The following MAP4 variants were observed in gnomAD, a reference collection of about 807,000 sequenced individuals.
The protein encoded by MAP4 is microtubule associated protein 4, also known as microtubule-associated protein 4.
In MAP4, 76 loss-of-function variants were observed where a neutral mutation model predicts 170.2. That is an observed-to-expected ratio of 0.45 (90% CI 0.37 to 0.54). The LOEUF (loss-of-function observed/expected upper bound fraction) is 0.54, where lower values mean the gene tolerates loss of function less well. MAP4 is among the 20% of genes least tolerant of loss of function. The pLI, the probability that MAP4 is intolerant of heterozygous loss-of-function variation, is 0.00. For missense variants in MAP4, 2,506 were observed against 2,748.0 expected (o/e 0.91, Z 1.97); for synonymous variants, 909 against 994.5 (o/e 0.91, Z 1.62).
chr3:47,974,922 G>A (rs1323597194), intron 3 of MAP4: 1 of 985,780 alleles, frequency 1.0e-6, no homozygotes, highest in Non-Finnish European at 1.2e-6. Context: ...TAGCCTGTAA[G>A]ATTAACCTTC....
At chr3:48,055,313 T>C (rs1435701559) in intron 1 of MAP4, among the ~76,000 whole-genome samples, 1 of 152,132 alleles carries the variant, frequency 6.6e-6, no homozygotes, top group African/African-American at 2.4e-5. Context: ...GCAACCTCCC[T>C]GCCTGATTCT....
intron 1 of MAP4, among the ~76,000 whole-genome samples, chr3:48,087,047 A>G (rs1257745129): frequency 6.6e-6 from 1 of 152,238 alleles, no homozygotes; most frequent in Non-Finnish European, 1.5e-5. Context: ...TAACAAACAT[A>G]GCTAGTGCCT....
intron 1 of MAP4, among the ~76,000 whole-genome samples, chr3:48,085,270 C>T (rs2100148530): frequency 6.7e-6 from 1 of 148,706 alleles, no homozygotes; most frequent in South Asian, 2.1e-4. Flanking sequence ...GGATTGATCA[C>T]CAAATTCAGA....
chr3:47,934,389 G>A (rs776962859), intron 3 of MAP4, among the ~76,000 whole-genome samples: 22 of 152,038 alleles, frequency 1.4e-4, no homozygotes, highest in African/African-American at 2.9e-4. Flanking sequence ...CCTAAACTCC[G>A]TCTCCCAGGC....
In MAP4 at chr3:48,074,676, T is replaced by TTTTGTGTGTGTGTGTGTGTGTGTGTGTG. The variant is rs746281743; in HGVS notation, c.-20+14096_-20+14097insCACACACACACACACACACACACACAAA. 2.0e-3 allele frequency among the ~76,000 whole-genome samples: 181 copies of TTTTGTGTGTGTGTGTGTGTGTGTGTGTG among 90,630 alleles called. 26 individuals are homozygous for TTTTGTGTGTGTGTGTGTGTGTGTGTGTG. The highest frequency in any genetic ancestry group is 3.6e-3 in the South Asian group (9 of 2,534). The allele number at this position is 90,630 out of a possible 152,430, so 59.5% of individuals were successfully genotyped here. A position where few individuals can be genotyped will look rare whatever the true frequency, so the allele number is the denominator to read the frequency against. Reference sequence around the variant, plus strand: ...GGGGCAAGCCACCACATCCAGCTAATTGTGTGTGTGTGTGTGTGTGTGTGT... The same window carrying TTTTGTGTGTGTGTGTGTGTGTGTGTGTG: ...GGGGCAAGCCACCACATCCAGCTAATTTTGTGTGTGTGTGTGTGTGTGTGTGTGTGTGTGTGTGTGTGTGTGTGTGTGT... On this transcript the variant is annotated intron_variant, in intron 1 of 18. Transcript: ENST00000360240.
intron 4 of MAP4, 99 bp downstream of exon 4, chr3:47,928,129 A>C: frequency 7.0e-7 from 1 of 1,438,290 alleles, no homozygotes; most frequent in Non-Finnish European, 9.6e-7. Context: ...TTTGTGATCT[A>C]TACTTAAGCT....
In MAP4 at chr3:47,911,504, C is replaced by G. The variant is rs138945510; in HGVS notation, c.2917G>C (p.Val973Leu). ...GGATTACTTGCTATCAAAGTGGGTACCAAATTTGGTATTTCTTTTGCTGCT... is the reference window on the plus strand; with the variant it reads ...GGATTACTTGCTATCAAAGTGGGTAGCAAATTTGGTATTTCTTTTGCTGCT... Reference protein sequence around the residue: ...PTAAKEIPNLVPTLIASNPLE... With the variant: ...PTAAKEIPNLLPTLIASNPLE... Residue 973 changes from valine to leucine, a missense_variant, in exon 9 of 21, where the codon GTA (valine) becomes CTA (leucine). By Grantham distance (32) the Val-to-Leu change is conservative. Coordinates refer to ENST00000683076, the MANE Select transcript of MAP4 (RefSeq NM_001385682.1). The surrounding 1 kb of genome is among the most constrained non-coding windows in gnomAD (Gnocchi z 4.0). 14 of 1,535,900 alleles carry G rather than the reference C, an allele frequency of 9.1e-6. No homozygotes were observed. In the African/African-American group the frequency reaches 1.6e-4, roughly 18 times the overall value.
Position 47,880,604 on chromosome 3 carries a change from T to C in MAP4, c.5435-3081A>G, listed in dbSNP as rs143120809. Among the ~76,000 whole-genome samples the C allele has an allele frequency of 3.9e-4, 59 of 151,784 alleles. 1 individual carries two copies. The highest frequency in any genetic ancestry group is 1.4e-3 in the African/African-American group (56 of 41,412). On this transcript the variant is annotated intron_variant, in intron 10 of 20. Transcript: ENST00000683076. ...CCTCAGCCTTCCAAGTAGCTGGGAC[T>C]ACTGGTACGTGCCACCATACCTGAA...
chr3:47,986,794 A>G (rs1188420939), intron 2 of MAP4, among the ~76,000 whole-genome samples: 1 of 152,124 alleles, frequency 6.6e-6, no homozygotes, highest in East Asian at 1.9e-4. Context: ...ATGTCACACT[A>G]ATTTTTTATG....
At chr3:48,056,239 G>T (rs1468462524) in intron 1 of MAP4, among the ~76,000 whole-genome samples, 7 of 127,656 alleles carry the variant, frequency 5.5e-5, no homozygotes, top group African/African-American at 2.0e-4. Context: ...CGCCTGGCCA[G>T]CCGTGCCGTC....
At position 47,977,874 on chromosome 3, in the gene MAP4, C is replaced by G. The variant is rs746944733; in HGVS notation, c.283G>C (p.Asp95His). The change falls in exon 3 of 21, where the codon GAT (aspartate) becomes CAT (histidine). Residue 95 changes from aspartate to histidine, a missense_variant. Coordinates refer to ENST00000683076, the MANE Select transcript of MAP4 (RefSeq NM_001385682.1). The part of the protein sequence containing the change: ...ANGGHGVEGS[D>H]TTGSPTEFLE... ...CCTGGGAATCACTTACCTGTAGTATCGCTCCCTTCTACTCCATGACCACCA... is the reference window on the plus strand; with the variant it reads ...CCTGGGAATCACTTACCTGTAGTATGGCTCCCTTCTACTCCATGACCACCA... The G allele has an allele frequency of 1.9e-6, 3 of 1,610,678 alleles. No homozygotes were observed.
intron 1 of MAP4, among the ~76,000 whole-genome samples, chr3:48,022,908 AT>A (rs1244367765): frequency 1.4e-5 from 2 of 142,788 alleles, no homozygotes; most frequent in African/African-American, 2.6e-5. Flanking sequence ...AAAAAAAAAA[AT>A]TTATTTTCCA....
At position 48,062,552 on chromosome 3, in the gene MAP4, T is replaced by C. The variant is rs61597136; in HGVS notation, c.-20+26221A>G. Among the ~76,000 whole-genome samples, 1,143 of 148,382 alleles carry C rather than the reference T, an allele frequency of 7.7e-3. 14 individuals are homozygous for C. Among genetic ancestry groups the C allele is most frequent in the African/African-American group, 0.024 (954 of 40,362 alleles). ...GTACCCCATGACTATGTACAATTGT[T>C]ATCTGTCAATTAAAAATAAAATAAT... On this transcript the variant is annotated intron_variant, in intron 1 of 18. Coordinates refer to the MAP4 transcript ENST00000360240.
At chr3:48,023,567 A>G (rs958657518) in intron 1 of MAP4, among the ~76,000 whole-genome samples, 3 of 152,196 alleles carry the variant, frequency 2.0e-5, no homozygotes, top group Non-Finnish European at 2.9e-5. Flanking sequence ...GTGTTTCTCT[A>G]TTGGTCTCTA....
chr3:48,000,741 A>G (rs1022677784), intron 1 of MAP4, among the ~76,000 whole-genome samples: 3 of 152,190 alleles, frequency 2.0e-5, no homozygotes, highest in African/African-American at 7.2e-5. Flanking sequence ...ACTAATACAC[A>G]GTCTTTCTCC....
At position 47,987,272 on chromosome 3, in the gene MAP4, A is replaced by G. The variant is rs537156974; in HGVS notation, c.224-9339T>C. On this transcript the variant is annotated intron_variant, in intron 2 of 20. Transcript: ENST00000683076. ...CATGAAATATGGCAGTAAACAAAAT[A>G]TTATTCCTGTGCTAGAGCATGTTAA... is the stretch of plus-strand genomic sequence containing the variant. The G allele has an allele frequency of 5.5e-6, 4 of 726,424 alleles. No individual in the cohort carries two copies. The South Asian group carries it at 1.3e-4, about 24-fold the overall frequency. 45.0% of individuals were successfully genotyped at this position (726,424 alleles called of 1,614,324 possible).
intron 3 of MAP4, among the ~76,000 whole-genome samples, chr3:47,971,362 T>G (rs1349994006): frequency 6.6e-6 from 1 of 152,202 alleles, no homozygotes; most frequent in African/African-American, 2.4e-5. Flanking sequence ...TCTGTTAATA[T>G]TTCACATTTT....
At chr3:47,946,236 C>T (rs933873063) in intron 3 of MAP4, among the ~76,000 whole-genome samples, 4 of 151,568 alleles carry the variant, frequency 2.6e-5, no homozygotes, top group Non-Finnish European at 5.9e-5. Context: ...AGCCACCACA[C>T]CCGGCCCCAT....
At chr3:47,864,759 C>T (rs1000963282) in intron 17 of MAP4, among the ~76,000 whole-genome samples, 5 of 152,188 alleles carry the variant, frequency 3.3e-5, no homozygotes, top group Admixed American at 6.5e-5. Context: ...CCCAGCTACT[C>T]GGGAAGCTGA....
Sources: allele counts gnomAD v4.1 joint callset (sites outside exome capture counted in the v4.1 genomes callset), GRCh38; gene constraint gnomAD v4.1.1; non-coding constraint Gnocchi (gnomAD v3.1); transcripts MANE v1.5; gene names NCBI Gene and HGNC (gene_info 2026-07-23, HGNC 2026-07-21).